Variants in ZNF487 observed in about 807,000 individuals in gnomAD.
ZNF487 encodes the protein KRAB domain only 1.
A neutral mutation model predicts 3.0 loss-of-function variants in ZNF487; 4 were observed. That is an observed-to-expected ratio of 1.35 (90% CI 0.66 to 3.08). ZNF487 has a LOEUF of 3.08. Among genes scored for constraint, ZNF487 ranks in the 30% most tolerant of loss-of-function variants. ZNF487 has a pLI of 0.01. For synonymous variants in ZNF487, 55 were observed against 34.6 expected, an observed-to-expected ratio of 1.59 and a Z score of -2.06; for missense variants, 146 against 98.7, an observed-to-expected ratio of 1.48 and a Z score of -2.03.
intron 1 of ZNF487, among the ~76,000 whole-genome samples, chr10:43,462,244 G>A (rs1050612960): frequency 3.3e-5 from 5 of 151,992 alleles, no homozygotes; most frequent in Admixed American, 3.3e-4. Flanking sequence ...TCTGCCTCCC[G>A]AAGTGCTGGG....
chr10:43,498,110 T>TTTC, the ZNF487 span, among the ~76,000 whole-genome samples: 1 of 10,200 alleles, frequency 9.8e-5, no homozygotes, highest in Non-Finnish European at 1.8e-4. Context: ...TTTTTTTTTT[T>TTTC]TTTCTTTTTT....
rs965792092 is a variant in ZNF487, at chr10:43,476,222, G to A, written c.130+20G>A. 1.4e-5 allele frequency: 10 copies of A among 713,022 alleles called. No homozygotes were observed. The highest frequency in any genetic ancestry group is 2.6e-5 in the Non-Finnish European group (10 of 384,126). 44.2% of individuals were successfully genotyped at this position (713,022 alleles called of 1,614,324 possible). On this transcript the variant is annotated intron_variant, in intron 3 of 3. Coordinates refer to ENST00000437590, the MANE Select transcript of ZNF487 (RefSeq NM_001355444.3). ...ACCTAGGTGAGTTAATAAATATATA[G>A]GAAGCTATAATCCCAGGGAGAAATT...
intron 1 of ZNF487, among the ~76,000 whole-genome samples, chr10:43,465,875 C>G (rs1277207009): frequency 1.3e-5 from 2 of 152,190 alleles, no homozygotes; most frequent in Non-Finnish European, 2.9e-5. Flanking sequence ...GAGATCACGC[C>G]ACTGCACTCC....
intron 1 of ZNF487, among the ~76,000 whole-genome samples, chr10:43,461,061 C>A (rs1166196427): frequency 6.6e-6 from 1 of 150,996 alleles, no homozygotes; most frequent in Non-Finnish European, 1.5e-5. Context: ...GGCTGGAGTG[C>A]AATGGCGTGA....
chr10:43,507,996 C>T, the ZNF487 span, among the ~76,000 whole-genome samples: 1 of 152,188 alleles, frequency 6.6e-6, no homozygotes, highest in East Asian at 1.9e-4. Context: ...TAGTTTCAGT[C>T]CACCCACCAC....
At chr10:43,467,123 C>T (rs751668059) in intron 1 of ZNF487, among the ~76,000 whole-genome samples, 1 of 152,158 alleles carries the variant, frequency 6.6e-6, no homozygotes, top group Non-Finnish European at 1.5e-5. Flanking sequence ...GATCTGCCTG[C>T]CTCAGCCTCC....
At chr10:43,499,271 A>G in the ZNF487 span, among the ~76,000 whole-genome samples, 3 of 152,232 alleles carry the variant, frequency 2.0e-5, no homozygotes, top group South Asian at 6.2e-4. Context: ...TAAAGAGTGG[A>G]AAGTGTGGAA....
chr10:43,446,885 G>T (rs1260936001), intron 1 of ZNF487, among the ~76,000 whole-genome samples: 5 of 152,180 alleles, frequency 3.3e-5, no homozygotes, highest in African/African-American at 1.2e-4. Context: ...TCACGCCACT[G>T]CACTCCAGCC....
At chr10:43,459,050 C>A (rs915621018) in intron 1 of ZNF487, among the ~76,000 whole-genome samples, 1 of 152,072 alleles carries the variant, frequency 6.6e-6, no homozygotes, top group Non-Finnish European at 1.5e-5. Context: ...TAGTGCTTGC[C>A]TTAATTGAGC....
At chr10:43,489,717 G>A in the ZNF487 span, among the ~76,000 whole-genome samples, 1 of 152,076 alleles carries the variant, frequency 6.6e-6, no homozygotes, top group Admixed American at 6.6e-5. Context: ...AGAAAAATGG[G>A]AATACTTGTA....
At chr10:43,520,580 C>T in the ZNF487 span, among the ~76,000 whole-genome samples, 1 of 152,108 alleles carries the variant, frequency 6.6e-6, no homozygotes, top group South Asian at 2.1e-4. Context: ...AAGAACAAAA[C>T]CAGCATGAAA....
upstream of ZNF487, chr10:43,436,991 G>A (rs1274090078): frequency 4.7e-6 from 2 of 421,658 alleles, no homozygotes; most frequent in Non-Finnish European, 1.0e-5. Context: ...GGATGCCCGT[G>A]GCATAGGGCC....
chr10:43,487,857 G>T (rs1841483361), downstream of ZNF487, among the ~76,000 whole-genome samples: 1 of 150,790 alleles, frequency 6.6e-6, no homozygotes, highest in Admixed American at 6.6e-5. Flanking sequence ...GGCCGAGGTG[G>T]GTGGATCACC....
intron 3 of ZNF487, among the ~76,000 whole-genome samples, chr10:43,478,107 C>T (rs755973956): frequency 6.6e-6 from 1 of 152,012 alleles, no homozygotes; most frequent in Non-Finnish European, 1.5e-5. Context: ...TGGATATTGT[C>T]AAATTGGATT....
Position 43,437,188 on chromosome 10 carries a change from C to A in ZNF487, c.-168C>A. ...CCTCAGCTACGACTACCAGGTACCT[C>A]GGGTTCCTCCCTCCTCCGAGAGACC... On this transcript the variant is annotated 5_prime_UTR_variant, in exon 1 of 4. Transcript: ENST00000437590. 1 of 261,116 alleles carries A rather than the reference C, an allele frequency of 3.8e-6. No homozygotes were observed. The highest frequency in any genetic ancestry group is 3.0e-5 in the South Asian group (1 of 33,862). The allele number at this position is 261,116 out of a possible 1,614,324, so 16.2% of individuals were successfully genotyped here. A position where few individuals can be genotyped will look rare whatever the true frequency, so the allele number is the denominator to read the frequency against.
At chr10:43,499,005 T>C in the ZNF487 span, among the ~76,000 whole-genome samples, 1 of 152,060 alleles carries the variant, frequency 6.6e-6, no homozygotes, top group African/African-American at 2.4e-5. Flanking sequence ...GTAATACTTG[T>C]TGCGTGTAAA....
intron 1 of ZNF487, among the ~76,000 whole-genome samples, chr10:43,457,311 A>G (rs924464216): frequency 6.6e-6 from 1 of 152,046 alleles, no homozygotes; most frequent in African/African-American, 2.4e-5. Context: ...TAATCCCGTC[A>G]CTTTGGGAGG....
chr10:43,466,877 A>AT (rs879363810), intron 1 of ZNF487, among the ~76,000 whole-genome samples: 355 of 149,576 alleles, frequency 2.4e-3, no homozygotes, highest in South Asian at 3.8e-3. Context: ...TCAAGGAGTA[A>AT]TTTTTTTTTT....
chr10:43,486,283 G>A (rs3006408), downstream of ZNF487, among the ~76,000 whole-genome samples: 69,633 of 151,954 alleles, frequency 0.46, 18,435 homozygotes, highest in East Asian at 0.73. Flanking sequence ...CCAGCACTTT[G>A]GGAGGCCGAG....
Sources: allele counts gnomAD v4.1 joint callset (sites outside exome capture counted in the v4.1 genomes callset), GRCh38; gene constraint gnomAD v4.1.1; transcripts MANE v1.5; gene names NCBI Gene and HGNC (gene_info 2026-07-23, HGNC 2026-07-21).